The following ZNF316 variants were observed in gnomAD, a reference collection of about 807,000 sequenced individuals.
ZNF316 encodes the protein zinc finger protein 316.
A neutral mutation model predicts 75.6 loss-of-function variants in ZNF316; 23 were observed. The observed-to-expected ratio is 0.30, with a 90% confidence interval of 0.22 to 0.43. The LOEUF is 0.43. Ranked by LOEUF, ZNF316 falls within the 20% of genes least tolerant of loss-of-function variation. ZNF316 has a pLI of 1.00. For synonymous variants in ZNF316, 827 were observed against 666.2 expected (o/e 1.24, Z -3.72); for missense variants, 1,266 against 1,409.4 (o/e 0.90, Z 1.63).
Position 6,653,285 on chromosome 7 carries a change from G to T in ZNF316, c.1689G>T (p.Ala563=). Residue 563 remains alanine (A), a synonymous_variant, in exon 9 of 9, where the codon GCG becomes GCT. Coordinates refer to ENST00000382252, the MANE Select transcript of ZNF316 (RefSeq NM_001278559.2). ...AEEREEAAVA[A]PTPSGKVDPA... is the part of the protein sequence containing the mutation. Reference sequence around the variant, plus strand: ...AGAGAGAGGAGGCGGCGGTGGCGGCGCCCACCCCCAGCGGCAAGGTGGACC... The same window carrying T: ...AGAGAGAGGAGGCGGCGGTGGCGGCTCCCACCCCCAGCGGCAAGGTGGACC... 1 of 1,227,366 alleles carries T rather than the reference G, an allele frequency of 8.1e-7. No individual in the cohort carries two copies. The highest frequency in any genetic ancestry group is 1.0e-6 in the Non-Finnish European group (1 of 985,892). The allele number at this position is 1,227,366 out of a possible 1,614,324, so 76.0% of individuals were successfully genotyped here.
chr7:6,650,459 C>T (rs1218941431), intron 8 of ZNF316, among the ~76,000 whole-genome samples: 1 of 152,174 alleles, frequency 6.6e-6, no homozygotes, highest in African/African-American at 2.4e-5. Flanking sequence ...TTCTATGATG[C>T]CTGTTTTTTC....
rs1779333061 is a variant in ZNF316, at chr7:6,642,729, G to T, written c.320G>T (p.Gly107Val). The T allele has an allele frequency of 8.1e-7, 1 of 1,233,916 alleles. No individual in the cohort carries two copies. The highest frequency in any genetic ancestry group is 4.1e-5 in the South Asian group (1 of 24,642). The allele number at this position is 1,233,916 out of a possible 1,614,324, so 76.4% of individuals were successfully genotyped here. A position where few individuals can be genotyped will look rare whatever the true frequency, so the allele number is the denominator to read the frequency against. The stretch of plus-strand genomic sequence containing the variant: ...GGGACCCAGGAGCGACTTAGCCGTG[G>T]TGGTGATGCCAAGTCCCCAGTTCTT... ...ALGTQERLSRGGDAKSPVLQE... is the reference protein window; with the variant it reads ...ALGTQERLSRVGDAKSPVLQE... The change falls in exon 5 of 9, where the codon GGT becomes GTT. Residue 107 changes from glycine to valine, a missense_variant. Coordinates refer to ENST00000382252, the MANE Select transcript of ZNF316 (RefSeq NM_001278559.2). This position sits in a 1 kb window ranked among gnomAD's most constrained non-coding sequence, Gnocchi z 8.1.
chr7:6,642,583 G>A lies in ZNF316; in HGVS notation c.174G>A (p.Glu58=). ...AGATAGTGGTGGAGGAGGAGGAGGA[G>A]GGTGTGGCAGAGGTAGTGCAGGATG... The part of the protein sequence containing the change: ...EEEIVVEEEE[E]GVAEVVQDAQ... The change falls in exon 5 of 9, where the codon GAG becomes GAA. Residue 58 remains glutamate (E), a synonymous_variant. Transcript: ENST00000382252. This position sits in a 1 kb window ranked among gnomAD's most constrained non-coding sequence, Gnocchi z 8.1. 2 of 1,216,472 alleles carry A rather than the reference G, an allele frequency of 1.6e-6. No homozygotes were observed. Among genetic ancestry groups the A allele is most frequent in the Non-Finnish European group, 2.1e-6 (2 of 972,664 alleles). 75.4% of individuals were successfully genotyped at this position (1,216,472 alleles called of 1,614,324 possible).
rs1243979096 is a variant in ZNF316 at position 6,655,436 on chromosome 7, C to G, written c.*825C>G. 6.6e-6 allele frequency: 1 copy of G among 152,180 alleles called. No individual in the cohort carries two copies. Among genetic ancestry groups the G allele is most frequent in the Admixed American group, 6.5e-5 (1 of 15,268 alleles). The allele number at this position is 152,180 out of a possible 1,614,324, so 9.4% of individuals were successfully genotyped here. A position where few individuals can be genotyped will look rare whatever the true frequency, so the allele number is the denominator to read the frequency against. ...TTTGGTCTCTGCTTGTCCTCTCAGT[C>G]CTTGGTACTTTCGTCTCCCTCAGCC... On this transcript the variant is annotated 3_prime_UTR_variant, in exon 9 of 9. Transcript: ENST00000382252.
At position 6,652,567 on chromosome 7, in the gene ZNF316, C is replaced by T; in HGVS notation, c.971C>T (p.Ala324Val). ...KPFLPGREPG[A>V]NLLSPWAFPA... ...TTCCTGCCCGGCCGGGAGCCGGGTG[C>T]GAACCTGCTGTCGCCCTGGGCGTTC... The change falls in exon 9 of 9, where the codon GCG (alanine) becomes GTG (valine). Residue 324 changes from alanine (A) to valine (V), a missense_variant. Around this residue, in one of 3 missense-constraint regions of ZNF316, gnomAD observed 961 missense variants for 990.9 expected, o/e 0.97. Coordinates refer to ENST00000382252, the MANE Select transcript of ZNF316 (RefSeq NM_001278559.2). The T allele has an allele frequency of 8.1e-7, 1 of 1,230,890 alleles. No individual in the cohort carries two copies. Among genetic ancestry groups the T allele is most frequent in the East Asian group, 3.2e-5 (1 of 31,648 alleles). 76.2% of individuals were successfully genotyped at this position (1,230,890 alleles called of 1,614,324 possible).
chr7:6,650,104 G>A lies in ZNF316; in HGVS notation c.707-2199G>A, dbSNP rs184090475. On this transcript the variant is annotated intron_variant, in intron 8 of 8. Coordinates refer to ENST00000382252, the MANE Select transcript of ZNF316 (RefSeq NM_001278559.2). The stretch of plus-strand genomic sequence containing the variant: ...TTGTTCCTAGGCTTGAACCTTCCCC[G>A]TTTGGAGGGGTCTCTAAACCCAAGA... 3.0e-4 allele frequency among the ~76,000 whole-genome samples: 46 copies of A among 152,312 alleles called. 1 individual carries two copies. The East Asian group carries it at 7.9e-3, about 26-fold the overall frequency.
rs1583447087 is a variant in ZNF316 at position 6,653,024 on chromosome 7, G to A, written c.1428G>A (p.Gln476=). 3.3e-6 allele frequency: 4 copies of A among 1,225,658 alleles called. No individual in the cohort carries two copies. The highest frequency in any genetic ancestry group is 4.1e-5 in the South Asian group (1 of 24,580). 75.9% of individuals were successfully genotyped at this position (1,225,658 alleles called of 1,614,324 possible). ...AGAGCTCGGCGCTGGCACGGCACCAGGCGGTGCACACGGCCGACCGCCCGC... is the reference window on the plus strand; with the variant it reads ...AGAGCTCGGCGCTGGCACGGCACCAAGCGGTGCACACGGCCGACCGCCCGC... ...FSQSSALARH[Q]AVHTADRPHC... is the part of the protein sequence containing the mutation. The change falls in exon 9 of 9, where the codon CAG becomes CAA. Residue 476 remains glutamine, a synonymous_variant. Coordinates refer to ENST00000382252, the MANE Select transcript of ZNF316 (RefSeq NM_001278559.2).
At position 6,654,059 on chromosome 7, in the gene ZNF316, T is replaced by C; in HGVS notation, c.2463T>C (p.His821=). 1 of 1,207,314 alleles carries C rather than the reference T, an allele frequency of 8.3e-7. No homozygotes were observed. The highest frequency in any genetic ancestry group is 1.0e-6 in the Non-Finnish European group (1 of 972,696). The allele number at this position is 1,207,314 out of a possible 1,614,324, so 74.8% of individuals were successfully genotyped here. A position where few individuals can be genotyped will look rare whatever the true frequency, so the allele number is the denominator to read the frequency against. Residue 821 remains histidine (H), a synonymous_variant, in exon 9 of 9, where the codon CAT becomes CAC. Transcript: ENST00000382252. ...GGCAGAGCGCGGCGCTGACGCGGCA[T>C]CAGTGGGCGCACGCCGAGGAGAAGC... The part of the protein sequence containing the change: ...RFGQSAALTR[H]QWAHAEEKPH...
chr7:6,648,979 T>C (rs1779458246), intron 8 of ZNF316, among the ~76,000 whole-genome samples: 1 of 152,188 alleles, frequency 6.6e-6, no homozygotes, highest in African/African-American at 2.4e-5. Flanking sequence ...GCCCCAGCCC[T>C]GAGCCTTTCA....
rs528714579 is a variant in ZNF316 at position 6,657,802 on chromosome 7, C to G, written c.*3191C>G. On this transcript the variant is annotated 3_prime_UTR_variant, in exon 9 of 9. Coordinates refer to ENST00000382252, the MANE Select transcript of ZNF316 (RefSeq NM_001278559.2). ...TATGATTTTTCCATTGCACTCCAGC[C>G]TGGGTGACAGAACAAGACCCTATCT... 3.3e-5 allele frequency among the ~76,000 whole-genome samples: 4 copies of G among 122,986 alleles called. No individual in the cohort carries two copies. Among genetic ancestry groups the G allele is most frequent in the Non-Finnish European group, 3.2e-5 (2 of 63,400 alleles). 80.7% of individuals were successfully genotyped at this position (122,986 alleles called of 152,430 possible).
chr7:6,646,690 C>A (rs1249565976), intron 8 of ZNF316, among the ~76,000 whole-genome samples: 2 of 152,076 alleles, frequency 1.3e-5, no homozygotes, highest in Non-Finnish European at 2.9e-5. Context: ...TGGCTACCCT[C>A]CCCTGATGCT....
In ZNF316 at chr7:6,657,578, C is replaced by A. The variant is rs1278984530; in HGVS notation, c.*2967C>A. Among the ~76,000 whole-genome samples the A allele has an allele frequency of 6.6e-6, 1 of 152,082 alleles. No individual in the cohort carries two copies. Among genetic ancestry groups the A allele is most frequent in the Non-Finnish European group, 1.5e-5 (1 of 68,022 alleles). On this transcript the variant is annotated 3_prime_UTR_variant, in exon 9 of 9. Coordinates refer to ENST00000382252, the MANE Select transcript of ZNF316 (RefSeq NM_001278559.2). Reference sequence around the variant, plus strand: ...GGGTGCGATGGCTCATGCCTGTAATCCCAGCACTATGGGAGGCCAAGGCGG... The same window carrying A: ...GGGTGCGATGGCTCATGCCTGTAATACCAGCACTATGGGAGGCCAAGGCGG...
Position 6,655,736 on chromosome 7 carries a change from T to C in ZNF316, c.*1125T>C, listed in dbSNP as rs1026985267. On this transcript the variant is annotated 3_prime_UTR_variant, in exon 9 of 9. Coordinates refer to ENST00000382252, the MANE Select transcript of ZNF316 (RefSeq NM_001278559.2). ...TTAGAGTCCCATTTCACAAATTGGTTAGTGGAGGCACCCGTGGCCTGGCAG... is the reference window on the plus strand; with the variant it reads ...TTAGAGTCCCATTTCACAAATTGGTCAGTGGAGGCACCCGTGGCCTGGCAG... The C allele has an allele frequency of 2.6e-5, 4 of 152,346 alleles. No individual in the cohort carries two copies. The highest frequency in any genetic ancestry group is 6.8e-3 in the Middle Eastern group (2 of 294). The allele number at this position is 152,346 out of a possible 1,614,324, so 9.4% of individuals were successfully genotyped here. A position where few individuals can be genotyped will look rare whatever the true frequency, so the allele number is the denominator to read the frequency against.
rs1779632804 is a variant in ZNF316 at position 6,656,670 on chromosome 7, A to G, written c.*2059A>G. ...CGCTGCCCCACACTTGATGTAGTGTAAACACCTGACTTGGGGCATTACTTT... is the reference window on the plus strand; with the variant it reads ...CGCTGCCCCACACTTGATGTAGTGTGAACACCTGACTTGGGGCATTACTTT... On this transcript the variant is annotated 3_prime_UTR_variant, in exon 9 of 9. Coordinates refer to ENST00000382252, the MANE Select transcript of ZNF316 (RefSeq NM_001278559.2). Among the ~76,000 whole-genome samples, 2 of 152,184 alleles carry G rather than the reference A, an allele frequency of 1.3e-5. No homozygotes were observed. The highest frequency in any genetic ancestry group is 4.8e-5 in the African/African-American group (2 of 41,452).
Position 6,644,480 on chromosome 7 carries a change from G to C in ZNF316, c.593G>C (p.Gly198Ala). ...QENYGILVSL[G>A]YPIPKPDLIF... ...CAGCCGCCGTCTGTTCTCCTGGCAGGATACCCAATTCCCAAGCCCGATCTG... is the reference window on the plus strand; with the variant it reads ...CAGCCGCCGTCTGTTCTCCTGGCAGCATACCCAATTCCCAAGCCCGATCTG... Residue 198 changes from glycine to alanine, a missense_variant and splice_region_variant, in exon 8 of 9, where the codon GGA becomes GCA. Transcript: ENST00000382252. The C allele has an allele frequency of 8.1e-7, 1 of 1,232,070 alleles. No individual in the cohort carries two copies. The highest frequency in any genetic ancestry group is 1.0e-6 in the Non-Finnish European group (1 of 987,874). The allele number at this position is 1,232,070 out of a possible 1,614,324, so 76.3% of individuals were successfully genotyped here. A position where few individuals can be genotyped will look rare whatever the true frequency, so the allele number is the denominator to read the frequency against.
At position 6,644,499 on chromosome 7, in the gene ZNF316, C is replaced by T. The variant is rs541477930; in HGVS notation, c.612C>T (p.Pro204=). The T allele has an allele frequency of 1.7e-5, 21 of 1,232,230 alleles. No homozygotes were observed. In the East Asian group the frequency reaches 1.9e-4, roughly 11 times the overall value. 76.3% of individuals were successfully genotyped at this position (1,232,230 alleles called of 1,614,324 possible). The part of the protein sequence containing the change: ...LVSLGYPIPK[P]DLIFRLEQGE... The stretch of plus-strand genomic sequence containing the variant: ...TGGCAGGATACCCAATTCCCAAGCC[C>T]GATCTGATCTTCCGGCTGGAACAAG... The change falls in exon 8 of 9, where the codon CCC becomes CCT. Residue 204 remains proline, a synonymous_variant. Transcript: ENST00000382252.
At chr7:6,651,840 G>A (rs1414228710) in intron 8 of ZNF316, among the ~76,000 whole-genome samples, 2 of 152,222 alleles carry the variant, frequency 1.3e-5, no homozygotes, top group Non-Finnish European at 1.5e-5. Flanking sequence ...CTGTCTTCCA[G>A]GAAGGCCAGG....
Position 6,642,988 on chromosome 7 carries a change from C to T in ZNF316, c.380C>T (p.Ala127Val). ...EKGLQASRAP[A>V]TPRDEDLEEE... ...GGCCTGCAGGCCTCCCGGGCTCCAG[C>T]CACTCCTAGGGATGAGGACCTGGAG... The change falls in exon 6 of 9, where the codon GCC becomes GTC. Residue 127 changes from alanine to valine, a missense_variant. Around this residue, in one of 3 missense-constraint regions of ZNF316, gnomAD observed 961 missense variants for 990.9 expected, o/e 0.97. Coordinates refer to ENST00000382252, the MANE Select transcript of ZNF316 (RefSeq NM_001278559.2). This position sits in a 1 kb window ranked among gnomAD's most constrained non-coding sequence, Gnocchi z 8.1. The T allele has an allele frequency of 8.1e-7, 1 of 1,231,218 alleles. No homozygotes were observed. 76.3% of individuals were successfully genotyped at this position (1,231,218 alleles called of 1,614,324 possible). A position where few individuals can be genotyped will look rare whatever the true frequency, so the allele number is the denominator to read the frequency against.
chr7:6,644,719 C>T (rs1237357831), intron 8 of ZNF316, 126 bp downstream of exon 8: 4 of 449,152 alleles, frequency 8.9e-6, no homozygotes, highest in African/African-American at 2.0e-5. Context: ...CTGCCTTTGC[C>T]GCCTGGCTCC....
Sources: gnomAD v4.1 joint callset for allele counts (sites outside exome capture counted in the v4.1 genomes callset) on GRCh38, gnomAD v4.1.1 for gene constraint, gnomAD v4.1.1 regional missense constraint, Gnocchi (gnomAD v3.1) non-coding constraint, MANE v1.5 for transcripts, NCBI Gene and HGNC (gene_info 2026-07-23, HGNC 2026-07-21) for gene names.